Variants in DNAJC11 observed in about 807,000 individuals in gnomAD.
DNAJC11 encodes the protein DnaJ heat shock protein family (Hsp40) member C11.
DNAJC11 carries 15 observed loss-of-function variants against 78.6 expected under a neutral mutation model. The ratio of observed to expected loss-of-function variants is 0.19; its 90% CI spans 0.13 to 0.29. The LOEUF (loss-of-function observed/expected upper bound fraction) is 0.29. Among genes scored for constraint, DNAJC11 ranks in the 10% least tolerant of loss-of-function variants. The pLI is 1.00. For missense variants in DNAJC11, 547 were observed against 709.6 expected (o/e 0.77, Z 2.60); for synonymous variants, 292 against 272.1 (o/e 1.07, Z -0.72).
At chr1:6,671,991 T>C (rs1269148290) in intron 3 of DNAJC11, among the ~76,000 whole-genome samples, 1 of 152,094 alleles carries the variant, frequency 6.6e-6, no homozygotes, top group African/African-American at 2.4e-5. Context: ...TGTGCCACCA[T>C]ACCCAGCCAG....
intron 1 of DNAJC11, among the ~76,000 whole-genome samples, chr1:6,697,904 A>C (rs1264087708): frequency 6.6e-6 from 1 of 151,616 alleles, no homozygotes; most frequent in Non-Finnish European, 1.5e-5. Flanking sequence ...TCCTGGGTTC[A>C]CACCATTCTC....
chr1:6,637,523 GAC>G lies in DNAJC11; in HGVS notation c.1324-21_1324-20del, dbSNP rs1393141113. ...GCCGGACCTGCCAGAGAACAAGGAT[GAC>G]ACAGTCAGGGCCCTGCCAGGCCTGT... On this transcript the variant is annotated intron_variant, in intron 12 of 15. Coordinates refer to ENST00000377577, the MANE Select transcript of DNAJC11 (RefSeq NM_018198.4). 11 of 1,613,992 alleles carry G rather than the reference GAC, an allele frequency of 6.8e-6. No homozygotes were observed. The South Asian group carries it at 1.2e-4, about 18-fold the overall frequency.
intron 9 of DNAJC11, 102 bp downstream of exon 9, chr1:6,644,939 G>A (rs553313290): frequency 2.3e-5 from 26 of 1,125,022 alleles, no homozygotes; most frequent in Middle Eastern, 2.0e-4. Context: ...TCACACACAC[G>A]TAGATATTCA....
intron 9 of DNAJC11, 109 bp downstream of exon 9, chr1:6,644,932 C>A: frequency 9.3e-7 from 1 of 1,080,598 alleles, no homozygotes; most frequent in Non-Finnish European, 1.4e-6. Context: ...AAAAATGTCA[C>A]ACACACGTAG....
In DNAJC11 at chr1:6,635,634, A is replaced by G. The variant is rs577731500; in HGVS notation, c.*41T>C. 6.3e-4 allele frequency: 1,012 copies of G among 1,611,004 alleles called. 17 individuals carry two copies. In the South Asian group the frequency reaches 9.3e-3, roughly 15 times the overall value. On this transcript the variant is annotated 3_prime_UTR_variant, in exon 16 of 16. Coordinates refer to ENST00000377577, the MANE Select transcript of DNAJC11 (RefSeq NM_018198.4). ...TTCCAAATTTGTAGACTCCCAGGAA[A>G]AGATTTTTTGCGGCCTTTTAAAAAT...
At chr1:6,637,778 T>C (rs1641805597) in intron 12 of DNAJC11, 1 of 551,028 alleles carries the variant, frequency 1.8e-6, no homozygotes, top group East Asian at 3.0e-5. Flanking sequence ...CTAGGGATCA[T>C]TAATGCGTGG....
intron 15 of DNAJC11, 56 bp downstream of exon 15, chr1:6,636,061 C>A: frequency 6.4e-7 from 1 of 1,567,062 alleles, no homozygotes; most frequent in Non-Finnish European, 8.6e-7. Flanking sequence ...CACTGAGCAG[C>A]CGCTTCGAGG....
intron 3 of DNAJC11, chr1:6,670,868 T>C (rs777456602): frequency 6.6e-6 from 1 of 152,190 alleles, no homozygotes; most frequent in Non-Finnish European, 1.5e-5. Context: ...GGTACAATTT[T>C]TCAAAGTTTC....
intron 3 of DNAJC11, among the ~76,000 whole-genome samples, chr1:6,668,707 T>C (rs1182751060): frequency 1.3e-5 from 2 of 152,016 alleles, no homozygotes; most frequent in African/African-American, 4.8e-5. Context: ...GTGCTGGGAT[T>C]GCAGGCACGA....
intron 1 of DNAJC11, among the ~76,000 whole-genome samples, chr1:6,689,265 C>A (rs1356426811): frequency 6.6e-6 from 1 of 152,174 alleles, no homozygotes; most frequent in Non-Finnish European, 1.5e-5. Flanking sequence ...GTGCGGCCAG[C>A]AGCCTGGAAG....
Position 6,639,002 on chromosome 1 carries a change from A to G in DNAJC11, c.1254-638T>C, listed in dbSNP as rs566368202. On this transcript the variant is annotated intron_variant, in intron 11 of 15. Transcript: ENST00000377577. Reference sequence around the variant, plus strand: ...AATTAGGATTCTGAGTCCAAAGGCCAGACGGGCCCAGAAGAGGAGATTCAT... The same window carrying G: ...AATTAGGATTCTGAGTCCAAAGGCCGGACGGGCCCAGAAGAGGAGATTCAT... 5.3e-5 allele frequency among the ~76,000 whole-genome samples: 8 copies of G among 152,348 alleles called. No individual in the cohort carries two copies. The South Asian group carries it at 1.7e-3, about 32-fold the overall frequency.
Position 6,643,088 on chromosome 1 carries a change from C to T in DNAJC11, c.1097+1470G>A, listed in dbSNP as rs192667656. Among the ~76,000 whole-genome samples the T allele has an allele frequency of 9.2e-5, 14 of 152,070 alleles. No individual in the cohort carries two copies. The East Asian group carries it at 2.3e-3, about 25-fold the overall frequency. On this transcript the variant is annotated intron_variant, in intron 10 of 15. Transcript: ENST00000377577. ...GAGAGGCTGTAAGGGCAGGAGGGAA[C>T]GGCCACCGCGACAGCAGGTGCAGAG... is the stretch of plus-strand genomic sequence containing the variant.
At chr1:6,683,085 T>C (rs4908933) in intron 1 of DNAJC11, among the ~76,000 whole-genome samples, 4 of 152,202 alleles carry the variant, frequency 2.6e-5, no homozygotes, top group Admixed American at 2.6e-4. Context: ...TCTTGCTGAA[T>C]GAGCAGCTCC....
intron 1 of DNAJC11, among the ~76,000 whole-genome samples, chr1:6,694,669 A>G (rs1390894215): frequency 6.6e-6 from 1 of 151,988 alleles, no homozygotes; most frequent in Non-Finnish European, 1.5e-5. Flanking sequence ...CAGCTAATTA[A>G]AAAAAATTTT....
At chr1:6,691,747 C>A (rs1642749123) in intron 1 of DNAJC11, among the ~76,000 whole-genome samples, 2 of 152,180 alleles carry the variant, frequency 1.3e-5, no homozygotes, top group Non-Finnish European at 2.9e-5. Flanking sequence ...AAACAGGAAT[C>A]CAGCTGTCAG....
chr1:6,649,728 G>C (rs1318862682), intron 7 of DNAJC11, among the ~76,000 whole-genome samples: 1 of 135,424 alleles, frequency 7.4e-6, no homozygotes, highest in African/African-American at 2.8e-5. Context: ...TTTTTTTTTT[G>C]AGACAGTCTT....
chr1:6,669,515 GAAAA>G (rs1210400842), intron 3 of DNAJC11, among the ~76,000 whole-genome samples: 497 of 49,386 alleles, frequency 0.01, 5 homozygotes, highest in African/African-American at 0.036. Context: ...CTCTGTCTTA[GAAAA>G]GAAAAGAAAA....
intron 7 of DNAJC11, among the ~76,000 whole-genome samples, chr1:6,647,385 C>A (rs2148731123): frequency 6.6e-6 from 1 of 152,130 alleles, no homozygotes; most frequent in Non-Finnish European, 1.5e-5. Flanking sequence ...GCCCAGCCAA[C>A]AGGTCGATAT....
chr1:6,679,955 T>A (rs1181721721), intron 2 of DNAJC11, among the ~76,000 whole-genome samples: 3 of 152,226 alleles, frequency 2.0e-5, no homozygotes, highest in Non-Finnish European at 4.4e-5. Context: ...ACACCGACTG[T>A]ACACATTTAT....
Sources: allele counts gnomAD v4.1 joint callset (sites outside exome capture counted in the v4.1 genomes callset), GRCh38; gene constraint gnomAD v4.1.1; transcripts MANE v1.5; gene names NCBI Gene and HGNC (gene_info 2026-07-23, HGNC 2026-07-21).